DAB1: variants seen among roughly 807,000 people sequenced by gnomAD.
DAB1 encodes disabled homolog 1.
Under a neutral mutation model 64.6 loss-of-function variants are expected in DAB1, and 15 were observed. That is an observed-to-expected ratio of 0.23 (90% confidence interval 0.16 to 0.36). The LOEUF (loss-of-function observed/expected upper bound fraction) is 0.36. Ranked by LOEUF, DAB1 falls within the 10% of genes least tolerant of loss-of-function variation. The probability of loss-of-function intolerance (pLI) is 1.00; values close to 1 mark genes in which losing one functional copy is unlikely to be tolerated. For missense variants in DAB1, 596 were observed against 706.7 expected (o/e 0.84, Z 1.78); for synonymous variants, 235 against 251.9 (o/e 0.93, Z 0.64).
At chr1:58,233,133 G>C (rs1371587097) in intron 4 of DAB1, among the ~76,000 whole-genome samples, 1 of 152,174 alleles carries the variant, frequency 6.6e-6, no homozygotes, top group African/African-American at 2.4e-5. Context: ...TTAATGTGAA[G>C]CAGAAAGTAG....
At chr1:57,060,929 G>A (rs1440734874) in intron 9 of DAB1, among the ~76,000 whole-genome samples, 1 of 152,004 alleles carries the variant, frequency 6.6e-6, no homozygotes, top group Non-Finnish European at 1.5e-5. Flanking sequence ...AGCAAATGGA[G>A]CATGTTTCCT....
chr1:58,187,922 T>G (rs1657176671), intron 4 of DAB1, among the ~76,000 whole-genome samples: 1 of 149,978 alleles, frequency 6.7e-6, no homozygotes, highest in Admixed American at 6.7e-5. Flanking sequence ...TTTTTTTTTT[T>G]TCTTGAGACA....
intron 2 of DAB1, among the ~76,000 whole-genome samples, chr1:57,159,856 C>CAAAAAAAAAAAAAAAAAAAAAAAAAAAA (rs398049302): frequency 2.3e-5 from 2 of 86,346 alleles, no homozygotes; most frequent in Non-Finnish European, 4.5e-5. Context: ...AGCAGCAAGA[C>CAAAAAAAAAAAAAAAAAAAAAAAAAAAA]AAAAAAAAAA....
chr1:57,253,971 C>A (rs1237633899), intron 2 of DAB1, among the ~76,000 whole-genome samples: 1 of 152,216 alleles, frequency 6.6e-6, no homozygotes, highest in African/African-American at 2.4e-5. Flanking sequence ...ATCTCTCCAG[C>A]AAATTGCCAA....
intron 4 of DAB1, among the ~76,000 whole-genome samples, chr1:58,221,296 C>T (rs1215637570): frequency 2.6e-5 from 4 of 152,182 alleles, no homozygotes; most frequent in African/African-American, 9.7e-5. Flanking sequence ...CCACTCGTTG[C>T]TCACAAGGTC....
At chr1:57,023,674 C>A (rs1473216210) in intron 10 of DAB1, 35 bp from the exon 11 acceptor site, 10 of 1,387,822 alleles carry the variant, frequency 7.2e-6, no homozygotes, top group Middle Eastern at 3.6e-4. Flanking sequence ...ACACATGAGA[C>A]CTGGCTTAGC....
chr1:57,747,395 A>T (rs1178884331), intron 6 of DAB1, among the ~76,000 whole-genome samples: 1 of 152,140 alleles, frequency 6.6e-6, no homozygotes, highest in Non-Finnish European at 1.5e-5. Flanking sequence ...TAATTCACAC[A>T]TTTGTCTTCA....
chr1:57,208,033 G>T (rs898449725), intron 2 of DAB1, among the ~76,000 whole-genome samples: 1 of 152,114 alleles, frequency 6.6e-6, no homozygotes, highest in Non-Finnish European at 1.5e-5. Context: ...CCTGAAATAA[G>T]GATTGTAATG....
At chr1:58,020,503 G>A (rs1469559419) in intron 5 of DAB1, among the ~76,000 whole-genome samples, 1 of 152,182 alleles carries the variant, frequency 6.6e-6, no homozygotes, top group African/African-American at 2.4e-5. Flanking sequence ...TCATTATTCA[G>A]ATTTAACCAA....
At position 58,539,410 on chromosome 1, in the gene DAB1, C is replaced by T. The variant is rs929952739; in HGVS notation, n.32+7293G>A. 8 of 639,922 alleles carry T rather than the reference C, an allele frequency of 1.3e-5. No homozygotes were observed. The African/African-American group carries it at 1.3e-4, about 10-fold the overall frequency. The allele number at this position is 639,922 out of a possible 1,614,324, so 39.6% of individuals were successfully genotyped here. A position where few individuals can be genotyped will look rare whatever the true frequency, so the allele number is the denominator to read the frequency against. ...ATAGGCGTGTCAGTTGTTCTTCTAA[C>T]ACATCTCAGGCTAAATTACCTTGGG... On this transcript the variant is annotated intron_variant and non_coding_transcript_variant, in intron 1 of 20. Coordinates refer to the DAB1 transcript ENST00000485760.
intron 7 of DAB1, among the ~76,000 whole-genome samples, chr1:57,611,967 T>C (rs569889139): frequency 6.6e-6 from 1 of 152,290 alleles, no homozygotes; most frequent in East Asian, 1.9e-4. Context: ...CTGGCCTCTT[T>C]GCTTTTTCAA....
At chr1:58,219,494 T>C (rs72910410) in intron 4 of DAB1, among the ~76,000 whole-genome samples, 2,194 of 152,282 alleles carry the variant, frequency 0.014, 43 homozygotes, top group African/African-American at 0.05. Flanking sequence ...CACCAACCTC[T>C]GGGCCCCTTC....
chr1:57,116,122 C>T lies in DAB1; in HGVS notation c.306+20421G>A, dbSNP rs368807256. 3.0e-4 allele frequency among the ~76,000 whole-genome samples: 46 copies of T among 152,204 alleles called. 1 individual carries two copies. The highest frequency in any genetic ancestry group is 1.2e-3 in the East Asian group (6 of 5,158). ...CTGTGTCCAAAAACTGTTGGGGACA[C>T]GCTTCTCATCTTGGCATGCTGAGCA... is the stretch of plus-strand genomic sequence containing the variant. On this transcript the variant is annotated intron_variant, in intron 4 of 14. Coordinates refer to ENST00000371236, the MANE Select transcript of DAB1 (RefSeq NM_001365792.1).
intron 4 of DAB1, among the ~76,000 whole-genome samples, chr1:58,340,074 G>A (rs1410389614): frequency 6.6e-6 from 1 of 152,148 alleles, no homozygotes; most frequent in Non-Finnish European, 1.5e-5. Context: ...AGTAAAAGTT[G>A]TAAAAAATAA....
intron 4 of DAB1, among the ~76,000 whole-genome samples, chr1:58,191,965 A>G (rs1185081633): frequency 2.6e-5 from 4 of 152,214 alleles, no homozygotes; most frequent in Non-Finnish European, 5.9e-5. Context: ...CATGTCTAAC[A>G]CCACCTTTGC....
intron 1 of DAB1, among the ~76,000 whole-genome samples, chr1:57,302,378 G>A (rs1291134367): frequency 6.6e-6 from 1 of 152,126 alleles, no homozygotes; most frequent in Non-Finnish European, 1.5e-5. Context: ...CCTCCTCACT[G>A]TTTCACCCAG....
chr1:57,913,431 A>T (rs1644678346), intron 5 of DAB1, among the ~76,000 whole-genome samples: 1 of 152,264 alleles, frequency 6.6e-6, no homozygotes, highest in South Asian at 2.1e-4. Flanking sequence ...TACACCTTTT[A>T]CAAAAATTAA....
chr1:57,806,045 T>A (rs1251724931), intron 6 of DAB1, among the ~76,000 whole-genome samples: 1 of 152,190 alleles, frequency 6.6e-6, no homozygotes, highest in African/African-American at 2.4e-5. Flanking sequence ...GCCTCAATAC[T>A]CCAACGGCTT....
chr1:58,384,486 A>G (rs972498258), intron 3 of DAB1, among the ~76,000 whole-genome samples: 2 of 152,220 alleles, frequency 1.3e-5, no homozygotes, highest in Non-Finnish European at 2.9e-5. Flanking sequence ...TGTACCTTAC[A>G]AATTAGTTAA....
Sources: allele counts gnomAD v4.1 joint callset (sites outside exome capture counted in the v4.1 genomes callset), GRCh38; gene constraint gnomAD v4.1.1; transcripts MANE v1.5; gene names NCBI Gene and HGNC (gene_info 2026-07-23, HGNC 2026-07-21).